The following NCKAP5 variants were observed in gnomAD, a reference collection of about 807,000 sequenced individuals.
NCKAP5 encodes the protein NCK associated protein 5.
NCKAP5 carries 92 observed loss-of-function variants against 167.0 expected under a neutral mutation model. The ratio of observed to expected loss-of-function variants is 0.55; its 90% CI spans 0.47 to 0.66. The LOEUF (loss-of-function observed/expected upper bound fraction) is 0.66. Ranked by LOEUF, NCKAP5 falls within the 30% of genes least tolerant of loss-of-function variation. The pLI, the probability that NCKAP5 is intolerant of heterozygous loss-of-function variation, is 0.00. For synonymous variants in NCKAP5, 891 were observed against 877.4 expected, an observed-to-expected ratio of 1.02 and a Z score of -0.27; for missense variants, 2,378 against 2,315.0, an observed-to-expected ratio of 1.03 and a Z score of -0.56.
chr2:132,839,550 C>G (rs1688141492), intron 11 of NCKAP5, among the ~76,000 whole-genome samples: 1 of 150,120 alleles, frequency 6.7e-6, no homozygotes, highest in Non-Finnish European at 1.5e-5. Flanking sequence ...TGCTTAAGCG[C>G]AGGAGTTCAA....
In NCKAP5 at chr2:132,783,775, T is replaced by C; in HGVS notation, c.3036A>G (p.Pro1012=). The C allele has an allele frequency of 1.3e-6, 2 of 1,580,240 alleles. No homozygotes were observed. The highest frequency in any genetic ancestry group is 1.7e-6 in the Non-Finnish European group (2 of 1,164,610). The stretch of plus-strand genomic sequence containing the variant: ...GGCATCGGGTTTGAATGACTGCTTC[T>C]GGGGAGGGCATAGGGTGAGTGAAGA... ...KPIFTHPMPS[P]EAVIQTRCPA... Residue 1012 remains proline (P), a synonymous_variant, in exon 14 of 20, where the codon CCA becomes CCG. Coordinates refer to ENST00000409261, the MANE Select transcript of NCKAP5 (RefSeq NM_207363.3).
chr2:133,356,848 AGAG>A (rs891663135), intron 3 of NCKAP5, among the ~76,000 whole-genome samples: 16 of 152,242 alleles, frequency 1.1e-4, no homozygotes, highest in Admixed American at 5.2e-4. Flanking sequence ...TGCATTATAT[AGAG>A]GAGGCCTTTA....
intron 3 of NCKAP5, among the ~76,000 whole-genome samples, chr2:133,464,860 C>T (rs1227399203): frequency 6.6e-6 from 1 of 151,780 alleles, no homozygotes; most frequent in Admixed American, 6.6e-5. Flanking sequence ...AAGTCAGACA[C>T]TCCTCATCAC....
chr2:132,851,901 C>G (rs1689109351), intron 11 of NCKAP5, among the ~76,000 whole-genome samples: 2 of 152,178 alleles, frequency 1.3e-5, no homozygotes, highest in Non-Finnish European at 2.9e-5. Context: ...TTTCTGGAAA[C>G]ACTAGTCTTT....
At chr2:132,939,614 A>G (rs1390028531) in intron 8 of NCKAP5, among the ~76,000 whole-genome samples, 1 of 151,990 alleles carries the variant, frequency 6.6e-6, no homozygotes, top group African/African-American at 2.4e-5. Context: ...TTTGGGGTAC[A>G]AGTGGTTTTT....
intron 4 of NCKAP5, among the ~76,000 whole-genome samples, chr2:133,239,015 C>T (rs533427813): frequency 2.2e-4 from 34 of 152,270 alleles, no homozygotes; most frequent in African/African-American, 7.9e-4. Context: ...CATACAATCC[C>T]TAATGTTAAA....
chr2:133,450,432 G>A (rs1409119220), intron 3 of NCKAP5, among the ~76,000 whole-genome samples: 1 of 152,064 alleles, frequency 6.6e-6, no homozygotes, highest in African/African-American at 2.4e-5. Context: ...CATTAATGCG[G>A]CCTATGGTAA....
intron 3 of NCKAP5, among the ~76,000 whole-genome samples, chr2:133,362,208 C>A (rs887374120): frequency 6.6e-6 from 1 of 152,178 alleles, no homozygotes; most frequent in Non-Finnish European, 1.5e-5. Flanking sequence ...TTCTATATTG[C>A]TTCCACCTTT....
At chr2:133,079,153 C>T (rs2080716837) in intron 6 of NCKAP5, among the ~76,000 whole-genome samples, 1 of 152,166 alleles carries the variant, frequency 6.6e-6, no homozygotes, top group Admixed American at 6.5e-5. Context: ...CAGCTCAATA[C>T]TCTGTATCTT....
chr2:133,238,929 T>C lies in NCKAP5; in HGVS notation c.144-25150A>G, dbSNP rs544550335. On this transcript the variant is annotated intron_variant, in intron 4 of 19. Coordinates refer to ENST00000409261, the MANE Select transcript of NCKAP5 (RefSeq NM_207363.3). ...ATCCCCTTCCCATTCTCTCAGTCTG[T>C]ATGTAACCTGGTAATATATCTTCTA... Among the ~76,000 whole-genome samples, 35 of 152,334 alleles carry C rather than the reference T, an allele frequency of 2.3e-4. No homozygotes were observed. The South Asian group carries it at 7.2e-3, about 32-fold the overall frequency.
chr2:133,541,144 A>G (rs1373926057), intron 2 of NCKAP5, among the ~76,000 whole-genome samples: 1 of 151,572 alleles, frequency 6.6e-6, no homozygotes, highest in Non-Finnish European at 1.5e-5. Context: ...ACAAATAACA[A>G]AATTATCAAA....
intron 19 of NCKAP5, among the ~76,000 whole-genome samples, chr2:132,698,052 C>T (rs866453351): frequency 3.3e-5 from 5 of 152,108 alleles, no homozygotes; most frequent in Non-Finnish European, 7.3e-5. Context: ...CTTACTTCTG[C>T]GCTATTCACT....
intron 11 of NCKAP5, among the ~76,000 whole-genome samples, chr2:132,839,563 CCA>C (rs1688141730): frequency 6.6e-6 from 1 of 151,842 alleles, no homozygotes; most frequent in African/African-American, 2.4e-5. Flanking sequence ...GAGTTCAAGA[CCA>C]GCCTGGGCAA....
chr2:133,069,326 CTT>C (rs373680210), intron 6 of NCKAP5, among the ~76,000 whole-genome samples: 111 of 152,300 alleles, frequency 7.3e-4, no homozygotes, highest in African/African-American at 2.6e-3. Context: ...TTTCCTAACT[CTT>C]TTCCTTCTTT....
intron 5 of NCKAP5, among the ~76,000 whole-genome samples, chr2:133,138,182 G>A (rs1414020400): frequency 6.6e-6 from 1 of 151,386 alleles, no homozygotes; most frequent in East Asian, 1.9e-4. Context: ...AAGAAGGGGG[G>A]GTACTATGAA....
In NCKAP5 at chr2:132,785,000, A is replaced by G. The variant is rs756630673; in HGVS notation, c.1811T>C (p.Val604Ala). The change falls in exon 14 of 20, where the codon GTG (valine) becomes GCG (alanine). Residue 604 changes from valine to alanine, a missense_variant. Transcript: ENST00000409261. The stretch of plus-strand genomic sequence containing the variant: ...CTTATCGGTGTCGGCAGCCAATGAC[A>G]CGTCTGAAGGACTTTTCTCATCACT... ...ESSDEKSPSD[V>A]SLAADTDKSV... 4 of 1,613,978 alleles carry G rather than the reference A, an allele frequency of 2.5e-6. No individual in the cohort carries two copies. In the South Asian group the frequency reaches 4.4e-5, roughly 18 times the overall value.
chr2:132,840,137 A>T (rs1688194508), intron 11 of NCKAP5, among the ~76,000 whole-genome samples: 1 of 152,138 alleles, frequency 6.6e-6, no homozygotes, highest in South Asian at 2.1e-4. Context: ...ACTAGTTGAC[A>T]TGGGGTTTTG....
At chr2:132,852,383 T>A (rs1689144110) in intron 11 of NCKAP5, among the ~76,000 whole-genome samples, 1 of 152,226 alleles carries the variant, frequency 6.6e-6, no homozygotes, top group African/African-American at 2.4e-5. Context: ...AATGTTGAAA[T>A]CCTTAAAACA....
intron 3 of NCKAP5, among the ~76,000 whole-genome samples, chr2:133,475,655 A>T (rs1679817059): frequency 6.6e-6 from 1 of 152,142 alleles, no homozygotes; most frequent in Non-Finnish European, 1.5e-5. Context: ...GACATGTTAG[A>T]TTTTTCACAA....
Sources: gnomAD v4.1 joint callset for allele counts (sites outside exome capture counted in the v4.1 genomes callset) on GRCh38, gnomAD v4.1.1 for gene constraint, MANE v1.5 for transcripts, NCBI Gene and HGNC (gene_info 2026-07-23, HGNC 2026-07-21) for gene names.